Variants in B4GALNT2 observed in about 807,000 individuals in gnomAD.
B4GALNT2 encodes the protein N-acetylneuraminylgalactosylglucosyl-glucoside beta-1,4-N- acetylgalactosaminyltransferase 2.
In B4GALNT2, 42 loss-of-function variants were observed where a neutral mutation model predicts 51.1. The ratio of observed to expected loss-of-function variants is 0.82; its 90% CI spans 0.64 to 1.06. The LOEUF (loss-of-function observed/expected upper bound fraction) is 1.06. B4GALNT2 is among the 50% of genes least tolerant of loss of function. B4GALNT2 has a pLI of 0.00. For synonymous variants in B4GALNT2, 253 were observed against 251.7 expected, an observed-to-expected ratio of 1.01 and a Z score of -0.05; for missense variants, 602 against 633.6, an observed-to-expected ratio of 0.95 and a Z score of 0.54.
intron 1 of B4GALNT2, among the ~76,000 whole-genome samples, chr17:49,136,517 A>AGTTT (rs1226284992): frequency 4.2e-4 from 62 of 147,558 alleles, no homozygotes; most frequent in Admixed American, 8.2e-4. Flanking sequence ...CTCACATTAG[A>AGTTT]GTTTATTTAT....
chr17:49,122,593 T>C, the B4GALNT2 span, among the ~76,000 whole-genome samples: 1,428 of 152,322 alleles, frequency 9.4e-3, 18 homozygotes, highest in African/African-American at 0.032. Flanking sequence ...ACCAATAATC[T>C]ATTTGGTTGT....
intron 3 of B4GALNT2, among the ~76,000 whole-genome samples, chr17:49,144,654 C>G (rs1198033411): frequency 6.6e-6 from 1 of 152,168 alleles, no homozygotes; most frequent in African/African-American, 2.4e-5. Context: ...AATACCAGCA[C>G]TTTGGGAGGC....
chr17:49,131,637 A>G (rs2042540174), upstream of B4GALNT2, among the ~76,000 whole-genome samples: 1 of 151,888 alleles, frequency 6.6e-6, no homozygotes, highest in Non-Finnish European at 1.5e-5. Context: ...TAGCCTCCCA[A>G]GTAGCTGGGA....
chr17:49,141,074 A>T (rs1358758853), intron 1 of B4GALNT2, among the ~76,000 whole-genome samples, 173 bp from the exon 2 acceptor site: 2 of 151,334 alleles, frequency 1.3e-5, no homozygotes, highest in African/African-American at 4.9e-5. Context: ...AATTTTTCTA[A>T]GTCCCTTTGT....
chr17:49,146,773 C>T (rs939457153), intron 3 of B4GALNT2, among the ~76,000 whole-genome samples: 3 of 152,184 alleles, frequency 2.0e-5, no homozygotes, highest in Admixed American at 2.0e-4. Context: ...AAACTGTCCT[C>T]CATCAGACTG....
intron 5 of B4GALNT2, among the ~76,000 whole-genome samples, chr17:49,156,877 G>T (rs1209157707): frequency 1.3e-5 from 2 of 152,250 alleles, no homozygotes; most frequent in Admixed American, 1.3e-4. Context: ...ACAGCCATGG[G>T]CTCTGGCACT....
chr17:49,148,839 C>T (rs560376915), intron 3 of B4GALNT2: 49 of 267,880 alleles, frequency 1.8e-4, no homozygotes, highest in African/African-American at 1.1e-3. Context: ...AGGCGGATCA[C>T]GAGGTCAAGA....
At chr17:49,140,148 TGGA>T (rs1247684853) in intron 1 of B4GALNT2, among the ~76,000 whole-genome samples, 2 of 151,758 alleles carry the variant, frequency 1.3e-5, no homozygotes, top group African/African-American at 4.8e-5. Flanking sequence ...TTGCCCAGGC[TGGA>T]GTGCAGTGGC....
Position 49,137,186 on chromosome 17 carries a change from T to C in B4GALNT2, c.15-4061T>C, listed in dbSNP as rs184162237. 1.7e-3 allele frequency among the ~76,000 whole-genome samples: 266 copies of C among 152,260 alleles called. 4 individuals carry two copies. The highest frequency in any genetic ancestry group is 5.8e-3 in the African/African-American group (240 of 41,548). ...TACAAGCTGTTCAGAAATTTTATGA[T>C]TAAAAATTGCTTTAGTTATATAATA... On this transcript the variant is annotated intron_variant, in intron 1 of 10. Transcript: ENST00000393354.
At chr17:49,152,555 A>C (rs2144309817) in intron 3 of B4GALNT2, among the ~76,000 whole-genome samples, 1 of 152,274 alleles carries the variant, frequency 6.6e-6, no homozygotes, top group African/African-American at 2.4e-5. Flanking sequence ...GCACTCCTAT[A>C]ATCCCAGCTA....
In B4GALNT2 at chr17:49,152,412, G is replaced by A. The variant is rs542777993; in HGVS notation, c.354-388G>A. 1.3e-4 allele frequency among the ~76,000 whole-genome samples: 20 copies of A among 152,230 alleles called. No individual in the cohort carries two copies. In the South Asian group the frequency reaches 1.5e-3, roughly 11 times the overall value. On this transcript the variant is annotated intron_variant, in intron 3 of 10. Transcript: ENST00000393354. Reference sequence around the variant, plus strand: ...AATGCAGCCAGGTGCGGTGGCTCACGCCTGTAATCCCAGCACTTTGGGAGG... The same window carrying A: ...AATGCAGCCAGGTGCGGTGGCTCACACCTGTAATCCCAGCACTTTGGGAGG...
upstream of B4GALNT2, among the ~76,000 whole-genome samples, chr17:49,128,558 G>A (rs184214954): frequency 3.0e-3 from 463 of 152,240 alleles, 1 homozygote; most frequent in Non-Finnish European, 5.5e-3. Flanking sequence ...GAGACAGAGA[G>A]GGTCGGGATC....
chr17:49,169,443 C>A, intron 10 of B4GALNT2, 80 bp from the exon 11 acceptor site: 1 of 1,366,212 alleles, frequency 7.3e-7, no homozygotes, highest in Non-Finnish European at 1.0e-6. Context: ...CTCCCTGGGA[C>A]TCTCCCCCAC....
the B4GALNT2 span, among the ~76,000 whole-genome samples, chr17:49,127,054 T>C: frequency 6.6e-6 from 1 of 152,222 alleles, no homozygotes; most frequent in Non-Finnish European, 1.5e-5. Context: ...TTTTTATGAC[T>C]TACACAGACA....
intron 1 of B4GALNT2, among the ~76,000 whole-genome samples, chr17:49,140,608 G>T (rs1361830217): frequency 6.6e-6 from 1 of 151,732 alleles, no homozygotes; most frequent in Non-Finnish European, 1.5e-5. Flanking sequence ...GTGGATAAAA[G>T]TTCACGGCTA....
the B4GALNT2 span, among the ~76,000 whole-genome samples, chr17:49,126,512 AC>A: frequency 5.3e-5 from 8 of 150,104 alleles, no homozygotes; most frequent in Non-Finnish European, 7.5e-5. Flanking sequence ...AAAAAAAAAA[AC>A]AAACTCCGTG....
At position 49,133,917 on chromosome 17, in the gene B4GALNT2, CAAACAAACAAACA is replaced by C. The variant is rs910259472; in HGVS notation, c.14+1127_14+1139del. ...ACAGAGGGAGACTCTGTCTCAAAAA[CAAACAAACAAACA>C]AAACAAACAAACAAACAAACAAAAA... On this transcript the variant is annotated intron_variant, in intron 1 of 10. Transcript: ENST00000393354. 6.2e-5 allele frequency among the ~76,000 whole-genome samples: 9 copies of C among 145,570 alleles called. No individual in the cohort carries two copies. In the South Asian group the frequency reaches 8.3e-4, roughly 13 times the overall value.
At chr17:49,165,981 A>G (rs2042907453) in intron 8 of B4GALNT2, 133 bp from the exon 9 acceptor site, 1 of 1,052,540 alleles carries the variant, frequency 9.5e-7, no homozygotes, top group Non-Finnish European at 1.3e-6. Context: ...TGCACACTGG[A>G]TTCGCTCGCA....
rs978135212 is a variant in B4GALNT2, at chr17:49,164,074, T to C, written c.767-14T>C. On this transcript the variant is annotated splice_polypyrimidine_tract_variant and intron_variant, in intron 7 of 10. Coordinates refer to ENST00000393354, the MANE Select transcript of B4GALNT2 (RefSeq NM_001159387.2). ...TACAGGACAGAGCTCTGACACCCAC[T>C]GTTTTCTGCCCAGAGAGGAAGCTCA... 1 of 1,612,356 alleles carries C rather than the reference T, an allele frequency of 6.2e-7. No homozygotes were observed. Among genetic ancestry groups the C allele is most frequent in the Non-Finnish European group, 8.5e-7 (1 of 1,178,640 alleles).
Sources: allele counts gnomAD v4.1 joint callset (sites outside exome capture counted in the v4.1 genomes callset), GRCh38; gene constraint gnomAD v4.1.1; transcripts MANE v1.5; gene names NCBI Gene and HGNC (gene_info 2026-07-23, HGNC 2026-07-21).